The following EXD3 variants were observed in gnomAD, a reference collection of about 807,000 sequenced individuals.
EXD3 encodes the protein exonuclease 3'-5' domain containing 3, also known as exonuclease mut-7 homolog.
EXD3 carries 92 observed loss-of-function variants against 98.0 expected under a neutral mutation model. The ratio of observed to expected loss-of-function variants is 0.94; its 90% CI spans 0.79 to 1.12. The LOEUF (loss-of-function observed/expected upper bound fraction) is 1.12. EXD3 is among the 50% of genes most tolerant of loss of function. The pLI is 0.00. For missense variants in EXD3, 1,222 were observed against 1,191.6 expected, an observed-to-expected ratio of 1.03 and a Z score of -0.38; for synonymous variants, 569 against 526.0, an observed-to-expected ratio of 1.08 and a Z score of -1.12.
chr9:137,375,785 C>T (rs992239951), intron 3 of EXD3, among the ~76,000 whole-genome samples: 5 of 152,064 alleles, frequency 3.3e-5, no homozygotes, highest in South Asian at 2.1e-4. Context: ...ATCACTTTGC[C>T]GGGACACGTG....
intron 19 of EXD3, among the ~76,000 whole-genome samples, chr9:137,322,225 T>C (rs1832067403): frequency 1.3e-5 from 2 of 152,142 alleles, no homozygotes; most frequent in Admixed American, 1.3e-4. Flanking sequence ...CGATTCCTTC[T>C]AGAAGCCCCA....
intron 19 of EXD3, among the ~76,000 whole-genome samples, chr9:137,321,092 G>A (rs1339257969): frequency 6.6e-6 from 1 of 152,248 alleles, no homozygotes; most frequent in Non-Finnish European, 1.5e-5. Context: ...GGAGGTCCAG[G>A]GGCCTGTGTG....
intron 5 of EXD3, 59 bp from the exon 6 acceptor site, chr9:137,368,048 G>T: frequency 7.1e-7 from 1 of 1,413,270 alleles, no homozygotes; most frequent in South Asian, 1.2e-5. Flanking sequence ...GCAGCACGGC[G>T]GGTGAGGGGG....
intron 3 of EXD3, 114 bp from the exon 4 acceptor site, chr9:137,373,713 G>T: frequency 8.1e-7 from 1 of 1,239,664 alleles, no homozygotes; most frequent in Non-Finnish European, 1.1e-6. Flanking sequence ...AGGTAGCTGT[G>T]GCCATTCAGC....
At chr9:137,336,399 G>A (rs765190416) in intron 17 of EXD3, among the ~76,000 whole-genome samples, 7 of 152,124 alleles carry the variant, frequency 4.6e-5, no homozygotes, top group Non-Finnish European at 8.8e-5. Flanking sequence ...GGTGGCTCAC[G>A]CCTGTAATCC....
chr9:137,327,603 A>T (rs1832504338), intron 17 of EXD3, among the ~76,000 whole-genome samples: 1 of 152,082 alleles, frequency 6.6e-6, no homozygotes, highest in Non-Finnish European at 1.5e-5. Flanking sequence ...AGGGAAACAG[A>T]AAGTAGTTAC....
At chr9:137,354,296 C>T (rs767322054) in intron 10 of EXD3, 43 bp downstream of exon 10, 1 of 1,607,838 alleles carries the variant, frequency 6.2e-7, no homozygotes, top group Non-Finnish European at 8.5e-7. Context: ...AGGACAGCCG[C>T]CCAGGCCGCC....
At chr9:137,338,435 TAA>T (rs1378551911) in intron 17 of EXD3, among the ~76,000 whole-genome samples, 1 of 151,960 alleles carries the variant, frequency 6.6e-6, no homozygotes, top group African/African-American at 2.4e-5. Flanking sequence ...TCATAAAATA[TAA>T]GAGTCTGAAA....
intron 21 of EXD3, 39 bp from the exon 22 acceptor site, chr9:137,307,302 T>C: frequency 6.9e-7 from 1 of 1,451,128 alleles, no homozygotes; most frequent in Non-Finnish European, 9.0e-7. Context: ...CCCTCAGCCT[T>C]CGGGCACGGC....
rs375591873 is a variant in EXD3 at position 137,323,352 on chromosome 9, A to G, written c.2184+373T>C. 6.8e-4 allele frequency among the ~76,000 whole-genome samples: 5 copies of G among 7,320 alleles called. 1 individual carries two copies. The highest frequency in any genetic ancestry group is 2.4e-3 in the Admixed American group (2 of 826). The allele number at this position is 7,320 out of a possible 152,430, so 4.8% of individuals were successfully genotyped here. ...ACACCCCACCCCGGACCCACGAGGG[A>G]TGCTCTGCCGACACCCCACCCCGGA... is the stretch of plus-strand genomic sequence containing the variant. On this transcript the variant is annotated intron_variant, in intron 19 of 21. Coordinates refer to ENST00000340951, the MANE Select transcript of EXD3 (RefSeq NM_017820.5).
chr9:137,407,798 G>A lies in EXD3; in HGVS notation c.-47-12394C>T, dbSNP rs1209397975. On this transcript the variant is annotated intron_variant, in intron 1 of 21. Coordinates refer to ENST00000340951, the MANE Select transcript of EXD3 (RefSeq NM_017820.5). The surrounding 1 kb of genome is among the most constrained non-coding windows in gnomAD (Gnocchi z 4.4). ...GGGTCCACAGGCATTCGAGGTCTTG[G>A]ATGCGCCGGCTGGACCCAAGGACAC... Among the ~76,000 whole-genome samples the A allele has an allele frequency of 6.6e-6, 1 of 152,030 alleles. No homozygotes were observed. The highest frequency in any genetic ancestry group is 1.5e-5 in the Non-Finnish European group (1 of 67,984).
intron 2 of EXD3, among the ~76,000 whole-genome samples, chr9:137,387,131 G>T (rs1041168710): frequency 1.5e-5 from 2 of 136,066 alleles, no homozygotes; most frequent in Non-Finnish European, 3.2e-5. Context: ...CTCCCTCAGC[G>T]CCTCTGTTCC....
At chr9:137,321,764 C>A (rs1479597381) in intron 19 of EXD3, among the ~76,000 whole-genome samples, 2 of 152,190 alleles carry the variant, frequency 1.3e-5, no homozygotes, top group African/African-American at 4.8e-5. Flanking sequence ...ATTGATGTGG[C>A]CCTAACTGCG....
At chr9:137,368,164 G>C (rs537794882) in intron 5 of EXD3, among the ~76,000 whole-genome samples, 175 bp from the exon 6 acceptor site, 8 of 152,168 alleles carry the variant, frequency 5.3e-5, no homozygotes, top group African/African-American at 1.9e-4. Flanking sequence ...TGGCAGACAA[G>C]CCCCCCCGTG....
intron 1 of EXD3, among the ~76,000 whole-genome samples, chr9:137,409,372 TA>T (rs1837886746): frequency 6.6e-6 from 1 of 152,222 alleles, no homozygotes; most frequent in Non-Finnish European, 1.5e-5. Context: ...CTGTAAGAAA[TA>T]AATTCCTTTT....
intron 1 of EXD3, among the ~76,000 whole-genome samples, chr9:137,414,212 C>T (rs1476668052): frequency 2.6e-5 from 4 of 152,180 alleles, no homozygotes; most frequent in East Asian, 3.8e-4. Context: ...CCACCGCGCC[C>T]GGCCAAGGTT....
chr9:137,309,496 T>C, intron 20 of EXD3, 111 bp downstream of exon 20: 1 of 872,494 alleles, frequency 1.1e-6, no homozygotes, highest in Non-Finnish European at 1.8e-6. Context: ...GCTGCCACCC[T>C]TATCTGAGGA....
intron 2 of EXD3, among the ~76,000 whole-genome samples, chr9:137,388,560 T>A: frequency 6.6e-6 from 1 of 152,082 alleles, no homozygotes; most frequent in East Asian, 1.9e-4. Context: ...GGGGGCTTTT[T>A]ATCCACAGGG....
intron 19 of EXD3, among the ~76,000 whole-genome samples, chr9:137,312,535 GGCCCATGGA>G (rs1047653813): frequency 6.6e-6 from 1 of 152,120 alleles, no homozygotes; most frequent in African/African-American, 2.4e-5. Flanking sequence ...GGGATGTTGG[GGCCCATGGA>G]CCCACAGCCA....
Sources: allele counts gnomAD v4.1 joint callset (sites outside exome capture counted in the v4.1 genomes callset), GRCh38; gene constraint gnomAD v4.1.1; non-coding constraint Gnocchi (gnomAD v3.1); transcripts MANE v1.5; gene names NCBI Gene and HGNC (gene_info 2026-07-23, HGNC 2026-07-21).